TAGLN3: variants seen among roughly 807,000 people sequenced by gnomAD.
The protein encoded by TAGLN3 is transgelin-3.
A neutral mutation model predicts 25.4 loss-of-function variants in TAGLN3; 12 were observed. The observed-to-expected ratio is 0.47, with a 90% CI of 0.30 to 0.77. TAGLN3 has a LOEUF of 0.77. Among genes scored for constraint, TAGLN3 ranks in the 30% least tolerant of loss-of-function variants. The pLI, the probability that TAGLN3 is intolerant of heterozygous loss-of-function variation, is 0.06. For synonymous variants in TAGLN3, 96 were observed against 94.8 expected (o/e 1.01, Z -0.08); for missense variants, 218 against 255.8 (o/e 0.85, Z 1.01).
At chr3:112,007,165 C>CT (rs1294607282) in intron 3 of TAGLN3, among the ~76,000 whole-genome samples, 1 of 152,162 alleles carries the variant, frequency 6.6e-6, no homozygotes, top group Admixed American at 6.6e-5. Flanking sequence ...TATGCCCTCT[C>CT]TCCCCCACAA....
intron 4 of TAGLN3, among the ~76,000 whole-genome samples, chr3:112,012,553 G>A (rs896439331): frequency 6.6e-6 from 1 of 151,552 alleles, no homozygotes; most frequent in Non-Finnish European, 1.5e-5. Context: ...TTGTAGAAGA[G>A]TGCCCTGTGG....
intron 4 of TAGLN3, 131 bp downstream of exon 4, chr3:112,011,996 G>A: frequency 1.3e-6 from 1 of 748,100 alleles, no homozygotes; most frequent in African/African-American, 1.8e-5. Flanking sequence ...CCACAACTGA[G>A]TTCCCCAAAG....
chr3:112,013,482 G>T lies in TAGLN3; in HGVS notation c.531G>T (p.Gln177His). ...LRQGQNVIGLQMGSNKGASQA... is the reference protein window; with the variant it reads ...LRQGQNVIGLHMGSNKGASQA... Reference sequence around the variant, plus strand: ...AGGGACAGAACGTAATAGGCCTGCAGATGGGCAGCAACAAGGGAGCCTCCC... The same window carrying T: ...AGGGACAGAACGTAATAGGCCTGCATATGGGCAGCAACAAGGGAGCCTCCC... The change falls in exon 5 of 5, where the codon CAG becomes CAT. Residue 177 changes from glutamine (Q) to histidine (H), a missense_variant. Transcript: ENST00000478951. 5.6e-6 allele frequency: 9 copies of T among 1,614,212 alleles called. No homozygotes were observed. Among genetic ancestry groups the T allele is most frequent in the Non-Finnish European group, 7.6e-6 (9 of 1,180,024 alleles).
At chr3:112,007,820 A>G (rs1317416809) in intron 3 of TAGLN3, among the ~76,000 whole-genome samples, 1 of 152,212 alleles carries the variant, frequency 6.6e-6, no homozygotes, top group Non-Finnish European at 1.5e-5. Flanking sequence ...GAAAGGAGTT[A>G]TTGCTTAACA....
chr3:112,010,642 C>G (rs1271495365), intron 3 of TAGLN3, among the ~76,000 whole-genome samples: 1 of 152,146 alleles, frequency 6.6e-6, no homozygotes, highest in African/African-American at 2.4e-5. Flanking sequence ...TTCCTTGAGT[C>G]TGGGGGACTA....
chr3:112,011,624 T>G, intron 3 of TAGLN3, 139 bp from the exon 4 acceptor site: 1 of 684,266 alleles, frequency 1.5e-6, no homozygotes, highest in Non-Finnish European at 2.4e-6. Flanking sequence ...CTTTGGGAGG[T>G]GTTTGATAGC....
intron 3 of TAGLN3, among the ~76,000 whole-genome samples, chr3:112,002,176 A>C (rs772493732): frequency 1.3e-5 from 2 of 152,202 alleles, no homozygotes; most frequent in Non-Finnish European, 2.9e-5. Flanking sequence ...TGCTTCCTCG[A>C]TCAAAACTAT....
intron 4 of TAGLN3, 94 bp from the exon 5 acceptor site, chr3:112,013,316 G>A (rs1423625584): frequency 6.7e-7 from 1 of 1,483,790 alleles, no homozygotes; most frequent in Non-Finnish European, 9.0e-7. Flanking sequence ...TGATCTATTT[G>A]GGGACCCCCA....
intron 3 of TAGLN3, among the ~76,000 whole-genome samples, chr3:112,002,462 T>C (rs2072871092): frequency 6.6e-6 from 1 of 152,226 alleles, no homozygotes; most frequent in African/African-American, 2.4e-5. Flanking sequence ...CAACCCATTC[T>C]TGAGCCAGGA....
chr3:112,003,836 C>T (rs990387067), intron 3 of TAGLN3, among the ~76,000 whole-genome samples: 4 of 152,160 alleles, frequency 2.6e-5, no homozygotes, highest in Admixed American at 1.3e-4. Context: ...CACAGCTGCC[C>T]TCTGACTCTT....
intron 3 of TAGLN3, among the ~76,000 whole-genome samples, chr3:112,005,254 G>C (rs2072903760): frequency 6.6e-6 from 1 of 152,102 alleles, no homozygotes; most frequent in Non-Finnish European, 1.5e-5. Context: ...ACAGTGCCTG[G>C]CTACCAGACA....
rs1231110987 is a variant in TAGLN3 at position 112,000,869 on chromosome 3, T to C, written c.278T>C (p.Ile93Thr). Residue 93 changes from isoleucine to threonine, a missense_variant, in exon 3 of 5, where the codon ATC becomes ACC. Physicochemically the swap from Ile to Thr is moderately conservative, Grantham distance 89. Transcript: ENST00000478951. ...SKMAFKQMEQ[I>T]SQFLKAAETY... ...ATGGCTTTTAAGCAGATGGAGCAAA[T>C]CTCCCAGTTCCTAAAAGCTGCGGAG... 1.9e-6 allele frequency: 3 copies of C among 1,613,968 alleles called. No individual in the cohort carries two copies. Among genetic ancestry groups the C allele is most frequent in the African/African-American group, 2.7e-5 (2 of 74,892 alleles).
intron 3 of TAGLN3, among the ~76,000 whole-genome samples, chr3:112,003,505 T>C (rs190669373): frequency 6.6e-6 from 1 of 152,214 alleles, no homozygotes; most frequent in Non-Finnish European, 1.5e-5. Flanking sequence ...CGGGGCAGGG[T>C]TGGCACGTGT....
chr3:112,004,522 C>T (rs1252868293), intron 3 of TAGLN3, among the ~76,000 whole-genome samples: 1 of 152,160 alleles, frequency 6.6e-6, no homozygotes, highest in Non-Finnish European at 1.5e-5. Flanking sequence ...GCTCCTGAGT[C>T]AGAAATTAGA....
chr3:112,000,971 A>T (rs1576075957), intron 3 of TAGLN3, 25 bp downstream of exon 3: 1 of 1,608,110 alleles, frequency 6.2e-7, no homozygotes, highest in Non-Finnish European at 8.5e-7. Flanking sequence ...GGCCTTTGGG[A>T]TTGTTCTTTT....
chr3:112,013,639 TCTC>T lies in TAGLN3; in HGVS notation c.*92_*94del, dbSNP rs777483068. Reference sequence around the variant, plus strand: ...GAAATAGTTAGTCACCTTCTGACCTTCTCCTCTTTCTCAAAGCCTTCTGTCCCT... The same window carrying T: ...GAAATAGTTAGTCACCTTCTGACCTTCTCTTTCTCAAAGCCTTCTGTCCCT... On this transcript the variant is annotated 3_prime_UTR_variant, in exon 5 of 5. Coordinates refer to ENST00000478951, the MANE Select transcript of TAGLN3 (RefSeq NM_001008272.2). 66 of 1,574,106 alleles carry T rather than the reference TCTC, an allele frequency of 4.2e-5. No homozygotes were observed. The highest frequency in any genetic ancestry group is 1.7e-4 in the South Asian group (15 of 87,118).
At chr3:112,004,714 T>C (rs2072898644) in intron 3 of TAGLN3, among the ~76,000 whole-genome samples, 1 of 152,236 alleles carries the variant, frequency 6.6e-6, no homozygotes, top group African/African-American at 2.4e-5. Flanking sequence ...TAAAAGTTGG[T>C]AATGTAGAAA....
chr3:112,005,804 A>G (rs2072911078), intron 3 of TAGLN3, among the ~76,000 whole-genome samples: 1 of 146,446 alleles, frequency 6.8e-6, no homozygotes, highest in Non-Finnish European at 1.5e-5. Flanking sequence ...GGTTCACGGC[A>G]TTCTCCTGCC....
At chr3:112,006,385 A>G (rs1394925087) in intron 3 of TAGLN3, among the ~76,000 whole-genome samples, 1 of 152,174 alleles carries the variant, frequency 6.6e-6, no homozygotes, top group East Asian at 1.9e-4. Context: ...TACAAAATCC[A>G]CAGAGCAAAC....
Sources: allele counts gnomAD v4.1 joint callset (sites outside exome capture counted in the v4.1 genomes callset), GRCh38; gene constraint gnomAD v4.1.1; transcripts MANE v1.5; gene names NCBI Gene and HGNC (gene_info 2026-07-23, HGNC 2026-07-21).